The following MYO16 variants were observed in gnomAD, a reference collection of about 807,000 sequenced individuals.
MYO16 encodes the protein myosin XVI.
In MYO16, 94 loss-of-function variants were observed where a neutral mutation model predicts 205.3. That is an observed-to-expected ratio of 0.46 (90% CI 0.39 to 0.54). The LOEUF is 0.54. Among genes scored for constraint, MYO16 ranks in the 20% least tolerant of loss-of-function variants. MYO16 has a pLI of 0.00. For synonymous variants in MYO16, 988 were observed against 954.0 expected (o/e 1.04, Z -0.66); for missense variants, 2,315 against 2,387.5 (o/e 0.97, Z 0.63).
intron 4 of MYO16, among the ~76,000 whole-genome samples, chr13:108,740,618 G>C (rs1884873897): frequency 6.6e-6 from 1 of 152,168 alleles, no homozygotes; most frequent in Non-Finnish European, 1.5e-5. Context: ...TCCGTTCTCA[G>C]ATCTCAAACT....
chr13:108,597,334 C>T (rs953963543), intron 1 of MYO16, among the ~76,000 whole-genome samples: 9 of 152,132 alleles, frequency 5.9e-5, no homozygotes, highest in African/African-American at 2.2e-4. Flanking sequence ...TAGTTTTGCA[C>T]CCCAGAGCAA....
chr13:108,546,110 C>T, the MYO16 span, among the ~76,000 whole-genome samples: 1 of 152,230 alleles, frequency 6.6e-6, no homozygotes, highest in East Asian at 1.9e-4. Context: ...GTATAAGGCC[C>T]CCAGTTCTCA....
At chr13:108,713,775 A>T (rs1230837566) in intron 3 of MYO16, among the ~76,000 whole-genome samples, 1 of 152,234 alleles carries the variant, frequency 6.6e-6, no homozygotes, top group Non-Finnish European at 1.5e-5. Context: ...ACAGTTTGCC[A>T]AAGAATATAG....
At chr13:109,093,859 C>A (rs902863316) in intron 27 of MYO16, among the ~76,000 whole-genome samples, 3 of 152,084 alleles carry the variant, frequency 2.0e-5, no homozygotes, top group Admixed American at 1.3e-4. Flanking sequence ...CTCACAGTAT[C>A]GATGATGATT....
chr13:109,006,469 A>G (rs979763725), intron 21 of MYO16, among the ~76,000 whole-genome samples: 1 of 152,052 alleles, frequency 6.6e-6, no homozygotes, highest in African/African-American at 2.4e-5. Context: ...CGAACTCCTG[A>G]CCTCAGGTGA....
intron 15 of MYO16, among the ~76,000 whole-genome samples, chr13:108,906,207 G>A (rs1880969841): frequency 6.6e-6 from 1 of 152,120 alleles, no homozygotes; most frequent in Non-Finnish European, 1.5e-5. Context: ...ATAAGTGGGA[G>A]GAACTCAAAA....
intron 3 of MYO16, among the ~76,000 whole-genome samples, chr13:108,721,584 C>A (rs1175029090): frequency 6.6e-6 from 1 of 152,110 alleles, no homozygotes; most frequent in Non-Finnish European, 1.5e-5. Context: ...TCATCATGGT[C>A]CCCAAGTCTT....
rs1365418443 is a variant in MYO16 at position 109,100,766 on chromosome 13, T to C, written c.3336-19T>C. 2 of 1,583,286 alleles carry C rather than the reference T, an allele frequency of 1.3e-6. No individual in the cohort carries two copies. Among genetic ancestry groups the C allele is most frequent in the Admixed American group, 3.3e-5 (2 of 59,722 alleles). ...TGGCAAATGCAGTCATTGCTTTCTG[T>C]CTCTGCTGCTTTTCACAGGTATAAG... On this transcript the variant is annotated intron_variant, in intron 27 of 34. Coordinates refer to ENST00000457511, the MANE Select transcript of MYO16 (RefSeq NM_001198950.3).
intron 6 of MYO16, among the ~76,000 whole-genome samples, chr13:108,796,924 AAAAATTAAAATT>A (rs60743084): frequency 0.011 from 1,704 of 150,814 alleles, 28 homozygotes; most frequent in African/African-American, 0.039. Flanking sequence ...TATAATTTAA[AAAAATTAAAATT>A]AAAATTAAAA....
At chr13:108,928,661 TTA>T (rs1223209707) in intron 16 of MYO16, among the ~76,000 whole-genome samples, 1 of 152,160 alleles carries the variant, frequency 6.6e-6, no homozygotes, top group Non-Finnish European at 1.5e-5. Context: ...CATTTACAAT[TTA>T]TGTCAAGGAC....
intron 27 of MYO16, among the ~76,000 whole-genome samples, chr13:109,094,356 T>C (rs1888711210): frequency 6.6e-6 from 1 of 150,738 alleles, no homozygotes; most frequent in South Asian, 2.1e-4. Flanking sequence ...CAATATAGGT[T>C]TGTGCCACCA....
chr13:109,143,993 C>T (rs116040096), intron 32 of MYO16, among the ~76,000 whole-genome samples: 1 of 151,636 alleles, frequency 6.6e-6, no homozygotes. Flanking sequence ...TTATGGGAGT[C>T]CTAACTATAC....
chr13:109,157,531 C>A (rs1357052943), intron 32 of MYO16, among the ~76,000 whole-genome samples: 1 of 152,212 alleles, frequency 6.6e-6, no homozygotes, highest in Non-Finnish European at 1.5e-5. Flanking sequence ...CTGGCTGCTC[C>A]AGCCCACTCT....
At chr13:109,022,674 A>C (rs1886111399) in intron 23 of MYO16, among the ~76,000 whole-genome samples, 1 of 62,960 alleles carries the variant, frequency 1.6e-5, no homozygotes, top group Non-Finnish European at 3.4e-5. Context: ...TATATTATAT[A>C]TACACATATA....
chr13:109,131,851 AT>A (rs1158093694), intron 31 of MYO16, among the ~76,000 whole-genome samples: 2 of 152,116 alleles, frequency 1.3e-5, no homozygotes, highest in Non-Finnish European at 2.9e-5. Flanking sequence ...ATTCTCTCGA[AT>A]TGTCTCCTGA....
chr13:108,912,462 A>G lies in MYO16; in HGVS notation c.1925+2312A>G, dbSNP rs1250752563. The stretch of plus-strand genomic sequence containing the variant: ...TGGTAACCCAGGCAAAAGTGATAGA[A>G]ATATAAAAATTCCAAGCTTCTAGGA... On this transcript the variant is annotated intron_variant, in intron 16 of 34. Coordinates refer to ENST00000457511, the MANE Select transcript of MYO16 (RefSeq NM_001198950.3). Among the ~76,000 whole-genome samples, 3 of 152,194 alleles carry G rather than the reference A, an allele frequency of 2.0e-5. No individual in the cohort carries two copies. In the East Asian group the frequency reaches 5.8e-4, roughly 29 times the overall value.
At chr13:109,017,533 TCTC>T (rs1344882903) in intron 22 of MYO16, among the ~76,000 whole-genome samples, 2 of 152,178 alleles carry the variant, frequency 1.3e-5, no homozygotes, top group East Asian at 1.9e-4. Context: ...TTGGGGAAGT[TCTC>T]CTGGATATCC....
chr13:108,779,366 A>T (rs1057355135), intron 4 of MYO16, among the ~76,000 whole-genome samples: 1 of 152,242 alleles, frequency 6.6e-6, no homozygotes, highest in African/African-American at 2.4e-5. Flanking sequence ...AAACAAAACT[A>T]TTTAATGTGA....
chr13:108,847,843 G>GT (rs1877601091), intron 10 of MYO16, among the ~76,000 whole-genome samples: 1 of 152,006 alleles, frequency 6.6e-6, no homozygotes, highest in Middle Eastern at 3.4e-3. Flanking sequence ...GACCTCCTGG[G>GT]TTTTTTCATT....
Sources: allele counts gnomAD v4.1 joint callset (sites outside exome capture counted in the v4.1 genomes callset), GRCh38; gene constraint gnomAD v4.1.1; transcripts MANE v1.5; gene names NCBI Gene and HGNC (gene_info 2026-07-23, HGNC 2026-07-21).